The following PHLDB2 variants were observed in gnomAD, a reference collection of about 807,000 sequenced individuals.
The protein encoded by PHLDB2 is pleckstrin homology like domain family B member 2.
A neutral mutation model predicts 123.6 loss-of-function variants in PHLDB2; 71 were observed. The ratio of observed to expected loss-of-function variants is 0.57; its 90% CI spans 0.47 to 0.70. The LOEUF (loss-of-function observed/expected upper bound fraction) is 0.70, where lower values mean the gene tolerates loss of function less well. PHLDB2 is among the 30% of genes least tolerant of loss of function. The probability of loss-of-function intolerance (pLI) is 0.00; values close to 1 mark genes in which losing one functional copy is unlikely to be tolerated. For synonymous variants in PHLDB2, 547 were observed against 541.6 expected (o/e 1.01, Z -0.14); for missense variants, 1,446 against 1,519.5 (o/e 0.95, Z 0.80).
chr3:111,752,990 T>A (rs375745829), intron 1 of PHLDB2, among the ~76,000 whole-genome samples: 2 of 152,172 alleles, frequency 1.3e-5, no homozygotes, highest in Admixed American at 1.3e-4. Context: ...ATCATTTTTT[T>A]TGGCTGCATA....
intron 1 of PHLDB2, among the ~76,000 whole-genome samples, chr3:111,820,061 G>C (rs199737563): frequency 1.1e-4 from 16 of 152,192 alleles, no homozygotes; most frequent in Non-Finnish European, 2.1e-4. Context: ...CTAGTGGCTT[G>C]AGGTTGTTCC....
intron 1 of PHLDB2, among the ~76,000 whole-genome samples, chr3:111,834,017 A>G (rs367930934): frequency 2.9e-5 from 3 of 104,174 alleles, no homozygotes; most frequent in African/African-American, 1.2e-4. Flanking sequence ...TATATGTAAT[A>G]GAATTATATA....
At chr3:111,895,873 C>CTATCT (rs1553746643) in intron 2 of PHLDB2, among the ~76,000 whole-genome samples, 25,061 of 148,488 alleles carry the variant, frequency 0.17, 2,328 homozygotes, top group East Asian at 0.3. Context: ...TCTATCTATC[C>CTATCT]ATCTATCTAT....
At chr3:111,866,916 A>G (rs1226683829) in intron 1 of PHLDB2, among the ~76,000 whole-genome samples, 1 of 135,302 alleles carries the variant, frequency 7.4e-6, no homozygotes, top group Admixed American at 7.6e-5. Context: ...CTTCCTTAAC[A>G]TAAGTTTCTA....
chr3:111,792,774 G>T (rs900191005), intron 1 of PHLDB2, among the ~76,000 whole-genome samples: 1 of 152,082 alleles, frequency 6.6e-6, no homozygotes, highest in African/African-American at 2.4e-5. Context: ...CACTTTGGTT[G>T]GTATTTTCTA....
intron 1 of PHLDB2, among the ~76,000 whole-genome samples, chr3:111,780,360 A>G (rs77442563): frequency 0.038 from 1,147 of 29,990 alleles, 124 homozygotes; most frequent in Non-Finnish European, 0.095. Context: ...AAGAAGAAGA[A>G]GAAGAAGAAG....
chr3:111,806,873 C>T (rs1380499139), intron 1 of PHLDB2, among the ~76,000 whole-genome samples: 2 of 151,582 alleles, frequency 1.3e-5, no homozygotes, highest in Non-Finnish European at 2.9e-5. Context: ...TAGGCTCAAG[C>T]ACCCTTCCTG....
chr3:111,830,071 C>T (rs1048926786), intron 1 of PHLDB2, among the ~76,000 whole-genome samples: 9 of 151,956 alleles, frequency 5.9e-5, no homozygotes, highest in Non-Finnish European at 7.4e-5. Context: ...TTTTGTTTCT[C>T]CTATCCACTC....
intron 1 of PHLDB2, among the ~76,000 whole-genome samples, chr3:111,739,600 A>G (rs1359984833): frequency 1.6e-4 from 22 of 138,770 alleles, no homozygotes; most frequent in Middle Eastern, 3.5e-3. Flanking sequence ...AAACAAACAA[A>G]AAAAAAAAAC....
At chr3:111,914,737 C>T (rs1424760424) in intron 3 of PHLDB2, 4 of 151,662 alleles carry the variant, frequency 2.6e-5, no homozygotes, top group South Asian at 2.1e-4. Context: ...TGTATTTTTT[C>T]GGCATATAGG....
chr3:111,885,967 C>T (rs2066139233), intron 2 of PHLDB2, among the ~76,000 whole-genome samples: 1 of 152,290 alleles, frequency 6.6e-6, no homozygotes, highest in Non-Finnish European at 1.5e-5. Context: ...ACAGTGATTC[C>T]AAACTACACA....
At position 111,920,366 on chromosome 3, in the gene PHLDB2, C is replaced by T. The variant is rs747553263; in HGVS notation, c.1948C>T (p.Leu650=). 1 of 1,613,938 alleles carries T rather than the reference C, an allele frequency of 6.2e-7. No homozygotes were observed. The highest frequency in any genetic ancestry group is 8.5e-7 in the Non-Finnish European group (1 of 1,179,934). Residue 650 remains leucine (L), a synonymous_variant, in exon 5 of 18, where the codon CTA becomes TTA. Transcript: ENST00000431670. The part of the protein sequence containing the change: ...LMKEKEILDH[L]NRKIAELEKN... ...GAAGGAGAAGGAGATTTTGGATCAT[C>T]TAAACCGGAAAATAGCTGAACTGGA...
chr3:111,960,740 T>G (rs2071355794), intron 12 of PHLDB2, among the ~76,000 whole-genome samples: 1 of 152,214 alleles, frequency 6.6e-6, no homozygotes, highest in African/African-American at 2.4e-5. Context: ...GGTCCAGTTG[T>G]GAACTCTGAA....
intron 1 of PHLDB2, among the ~76,000 whole-genome samples, chr3:111,844,835 ACTTAGT>A (rs965306480): frequency 9.2e-5 from 14 of 152,192 alleles, no homozygotes; most frequent in African/African-American, 3.4e-4. Context: ...AAATGACAGC[ACTTAGT>A]CTTAGAGACA....
chr3:111,897,477 A>C (rs542569307), intron 2 of PHLDB2, among the ~76,000 whole-genome samples: 2 of 152,342 alleles, frequency 1.3e-5, no homozygotes, highest in East Asian at 3.9e-4. Context: ...TTAGTTTCCT[A>C]AAGTTGCAAA....
In PHLDB2 at chr3:111,808,492, G is replaced by GTT. The variant is rs35656564; in HGVS notation, c.-48-37317_-48-37316dup. ...CTGGGTGTTTAAACATATATTCTGG[G>GTT]TTTTTTTTTTTTTCATCTTTTATTT... On this transcript the variant is annotated intron_variant, in intron 1 of 17. Transcript: ENST00000393923. Among the ~76,000 whole-genome samples, 5 of 146,786 alleles carry GTT rather than the reference G, an allele frequency of 3.4e-5. No individual in the cohort carries two copies. The East Asian group carries it at 7.9e-4, about 23-fold the overall frequency.
chr3:111,912,107 T>C (rs1391995101), intron 2 of PHLDB2, among the ~76,000 whole-genome samples: 1 of 152,260 alleles, frequency 6.6e-6, no homozygotes, highest in Non-Finnish European at 1.5e-5. Flanking sequence ...GTAAATGTGA[T>C]CACAATAGAT....
intron 10 of PHLDB2, chr3:111,949,714 G>C: frequency 1.0e-6 from 1 of 985,342 alleles, no homozygotes. Context: ...AAGATCACCT[G>C]TCTATTCTGG....
At chr3:111,821,160 G>A (rs1396524178) in intron 1 of PHLDB2, among the ~76,000 whole-genome samples, 2 of 152,166 alleles carry the variant, frequency 1.3e-5, no homozygotes, top group East Asian at 3.9e-4. Flanking sequence ...TTCAGCAACT[G>A]TCCCAAGATG....
Sources: allele counts gnomAD v4.1 joint callset (sites outside exome capture counted in the v4.1 genomes callset), GRCh38; gene constraint gnomAD v4.1.1; transcripts MANE v1.5; gene names NCBI Gene and HGNC (gene_info 2026-07-23, HGNC 2026-07-21).